The following FOXD4L1 variants were observed in gnomAD, a reference collection of about 807,000 sequenced individuals.
FOXD4L1 encodes forkhead box protein D4-like 1.
FOXD4L1 carries 10 observed loss-of-function variants against 24.8 expected under a neutral mutation model. The observed-to-expected ratio is 0.40, with a 90% CI of 0.25 to 0.68. The LOEUF (loss-of-function observed/expected upper bound fraction) is 0.68, where lower values mean the gene tolerates loss of function less well. Ranked by LOEUF, FOXD4L1 falls within the 30% of genes least tolerant of loss-of-function variation. The pLI is 0.37. For synonymous variants in FOXD4L1, 159 were observed against 256.4 expected (o/e 0.62, Z 3.63); for missense variants, 364 against 572.4 (o/e 0.64, Z 3.72).
exon 1 of FOXD4L1, chr2:113,499,769 G>T (rs1682404997): frequency 6.5e-7 from 1 of 1,545,162 alleles, no homozygotes; most frequent in Admixed American, 1.9e-5. Flanking sequence ...TCCCCCGCGA[G>T]CCGGGCCACC....
rs151099813 is a variant in FOXD4L1, at chr2:113,500,460, T to C, written c.1204T>C (p.Ser402Pro). 2,964 of 1,518,404 alleles carry C rather than the reference T, an allele frequency of 2.0e-3. 485 individuals are homozygous for C. In the African/African-American group the frequency reaches 0.036, roughly 18 times the overall value. The allele number at this position is 1,518,404 out of a possible 1,614,324, so 94.1% of individuals were successfully genotyped here. ...CGGCCGCGTCGGCGCTGCTGCGGTA[T>C]CAGGCGGTGGCAGAGGGCTCTAGGC... is the stretch of plus-strand genomic sequence containing the variant. The change falls in exon 1 of 1, where the codon TCA becomes CCA. Residue 402 changes from serine (S) to proline (P), a missense_variant. By Grantham distance (74) the Ser-to-Pro change is moderately conservative. Coordinates refer to ENST00000306507, the Ensembl canonical transcript of FOXD4L1.
exon 1 of FOXD4L1, chr2:113,499,394 G>A (rs779219150): frequency 9.3e-6 from 15 of 1,609,472 alleles, no homozygotes; most frequent in African/African-American, 5.4e-5. Context: ...AGGAGGAGGC[G>A]AGCCAGAAGT....
exon 1 of FOXD4L1, chr2:113,499,676 C>T (rs779727641): frequency 6.2e-7 from 1 of 1,611,046 alleles, no homozygotes; most frequent in Non-Finnish European, 8.5e-7. Context: ...TTAGTGGCCG[C>T]TTCCCCTACT....
exon 1 of FOXD4L1, chr2:113,499,559 T>C: frequency 1.9e-6 from 3 of 1,608,460 alleles, no homozygotes; most frequent in Non-Finnish European, 2.5e-6. Context: ...CCTCTGAAGA[T>C]GCCCGGCAGC....
exon 1 of FOXD4L1, chr2:113,500,310 T>C: frequency 6.5e-7 from 1 of 1,528,108 alleles, no homozygotes. Context: ...GTGGAGCTAC[T>C]GCCCCCTGCT....
At chr2:113,499,803 C>T in exon 1 of FOXD4L1, 1 of 1,539,222 alleles carries the variant, frequency 6.5e-7, no homozygotes, top group Non-Finnish European at 8.8e-7. Flanking sequence ...CTACTGGAGC[C>T]TGGACCCCGC....
chr2:113,500,158 C>T lies in FOXD4L1; in HGVS notation c.902C>T (p.Ser301Leu), dbSNP rs1219794000. 1.0e-5 allele frequency: 16 copies of T among 1,526,290 alleles called. 1 individual carries two copies. Among genetic ancestry groups the T allele is most frequent in the South Asian group, 3.5e-5 (3 of 85,720 alleles). 94.5% of individuals were successfully genotyped at this position (1,526,290 alleles called of 1,614,324 possible). A position where few individuals can be genotyped will look rare whatever the true frequency, so the allele number is the denominator to read the frequency against. Residue 301 changes from serine (S) to leucine (L), a missense_variant, in exon 1 of 1, where the codon TCA (serine) becomes TTA (leucine). Coordinates refer to ENST00000306507, the Ensembl canonical transcript of FOXD4L1. ...GGCACCCTTCCCGTGCTGCAGCCCT[C>T]ACTTGGTCCTCAGCCTTGGGAGGAG... is the stretch of plus-strand genomic sequence containing the variant.
At chr2:113,499,664 C>T in exon 1 of FOXD4L1, 1 of 1,611,658 alleles carries the variant, frequency 6.2e-7, no homozygotes, top group Non-Finnish European at 8.5e-7. Context: ...TCTGCGCCTT[C>T]ATTAGTGGCC....
rs62158390 is a variant in FOXD4L1 at position 113,500,160 on chromosome 2, C to T, written c.904C>T (p.Leu302Phe). 6.5e-7 allele frequency: 1 copy of T among 1,527,602 alleles called. No individual in the cohort carries two copies. The highest frequency in any genetic ancestry group is 8.8e-7 in the Non-Finnish European group (1 of 1,135,986). 94.6% of individuals were successfully genotyped at this position (1,527,602 alleles called of 1,614,324 possible). A position where few individuals can be genotyped will look rare whatever the true frequency, so the allele number is the denominator to read the frequency against. ...CACCCTTCCCGTGCTGCAGCCCTCA[C>T]TTGGTCCTCAGCCTTGGGAGGAGGG... The change falls in exon 1 of 1, where the codon CTT becomes TTT. Residue 302 changes from leucine to phenylalanine, a missense_variant. Coordinates refer to ENST00000306507, the Ensembl canonical transcript of FOXD4L1.
rs146797201 is a variant in FOXD4L1 at position 113,499,425 on chromosome 2, C to T, written c.169C>T (p.Pro57Ser). The T allele has an allele frequency of 2.5e-6, 4 of 1,604,758 alleles. No homozygotes were observed. In the South Asian group the frequency reaches 4.4e-5, roughly 18 times the overall value. The change falls in exon 1 of 1, where the codon CCG becomes TCG. Residue 57 changes from proline (P) to serine (S), a missense_variant. Pro to Ser is a moderately conservative substitution (Grantham distance 74). Transcript: ENST00000306507. ...GAAGTTCCTAGAGCAGTCGCTCCAG[C>T]CGGGGCTGCAGGTGGCCCGGTGGGG...
chr2:113,499,328 C>T (rs1682392801), exon 1 of FOXD4L1: 2 of 1,610,554 alleles, frequency 1.2e-6, no homozygotes, highest in Non-Finnish European at 1.7e-6. Context: ...ATGGGGAAGA[C>T]GGTAAAATCG....
exon 1 of FOXD4L1, chr2:113,499,904 C>G (rs1384267487): frequency 6.3e-7 from 1 of 1,579,942 alleles, no homozygotes; most frequent in South Asian, 1.1e-5. Flanking sequence ...ACCTGCCCCA[C>G]CCCTTCCCTC....
chr2:113,500,388 C>T lies in FOXD4L1; in HGVS notation c.1132C>T (p.Gln378Ter). The change falls in exon 1 of 1, where the codon CAA becomes TAA. Residue 378 changes from glutamine (Q) to a stop codon, truncating the protein, a stop_gained. Transcript: ENST00000306507. LOFTEE classifies it high-confidence loss of function. ...AGCAGCATCAGGAGGAGGACTGCGC[C>T]AACGGCTGCGCTCCCACCAAGGGCG... The T allele has an allele frequency of 3.3e-6, 5 of 1,519,486 alleles. No homozygotes were observed. Among genetic ancestry groups the T allele is most frequent in the Non-Finnish European group, 4.4e-6 (5 of 1,126,352 alleles). The allele number at this position is 1,519,486 out of a possible 1,614,324, so 94.1% of individuals were successfully genotyped here.
chr2:113,499,004 C>T (rs1682383233), exon 1 of FOXD4L1: 1 of 642,982 alleles, frequency 1.6e-6, no homozygotes. Context: ...TGGCACCGCT[C>T]CGAGGTAGGG....
rs139416517 is a variant in FOXD4L1 at position 113,499,638 on chromosome 2, C to T, written c.382C>T (p.Leu128Phe). ...CATCCTGCAAAGCCCGCACAAGCGC[C>T]TCACGCTCAGCGGCATCTGCGCCTT... The change falls in exon 1 of 1, where the codon CTC (leucine) becomes TTC (phenylalanine). Residue 128 changes from leucine to phenylalanine, a missense_variant. Transcript: ENST00000306507. 135 of 1,612,164 alleles carry T rather than the reference C, an allele frequency of 8.4e-5. No individual in the cohort carries two copies. The African/African-American group carries it at 1.7e-3, about 20-fold the overall frequency.
Position 113,499,808 on chromosome 2 carries a change from C to T in FOXD4L1, c.552C>T (p.Asp184=), listed in dbSNP as rs369834731. The T allele has an allele frequency of 3.6e-5, 56 of 1,541,274 alleles. 7 individuals carry two copies. The highest frequency in any genetic ancestry group is 5.6e-5 in the African/African-American group (4 of 72,042). The change falls in exon 1 of 1, where the codon GAC becomes GAT. Residue 184 remains aspartate (D), a synonymous_variant. Coordinates refer to ENST00000306507, the Ensembl canonical transcript of FOXD4L1. ...GCAAGGGCACCTACTGGAGCCTGGA[C>T]CCCGCCTCCCAGGACATGTTCGACA...
chr2:113,500,365 C>A lies in FOXD4L1; in HGVS notation c.1109C>A (p.Ala370Glu), dbSNP rs575508983. The change falls in exon 1 of 1, where the codon GCA becomes GAA. Residue 370 changes from alanine (A) to glutamate (E), a missense_variant. Coordinates refer to ENST00000306507, the Ensembl canonical transcript of FOXD4L1. ...TCGGACAATTTTGCAGCAACAGCAG[C>A]AGCATCAGGAGGAGGACTGCGCCAA... The A allele has an allele frequency of 5.3e-6, 8 of 1,519,956 alleles. 2 individuals are homozygous for A. In the East Asian group the frequency reaches 2.4e-4, roughly 46 times the overall value. The allele number at this position is 1,519,956 out of a possible 1,614,324, so 94.2% of individuals were successfully genotyped here. A position where few individuals can be genotyped will look rare whatever the true frequency, so the allele number is the denominator to read the frequency against.
exon 1 of FOXD4L1, chr2:113,498,853 G>A (rs1249350220): frequency 1.1e-5 from 4 of 357,890 alleles, no homozygotes; most frequent in Non-Finnish European, 2.1e-5. Flanking sequence ...CCGTGCAAAG[G>A]CTTGCCTACT....
At chr2:113,499,492 C>G (rs1177243242) in exon 1 of FOXD4L1, 4 of 1,574,664 alleles carry the variant, frequency 2.5e-6, no homozygotes, top group Non-Finnish European at 3.4e-6. Context: ...GGCGGCGGCC[C>G]GAGCGACCCC....
Sources: gnomAD v4.1 joint callset for allele counts on GRCh38, gnomAD v4.1.1 for gene constraint, MANE v1.5 for transcripts, NCBI Gene and HGNC (gene_info 2026-07-23, HGNC 2026-07-21) for gene names.